HTR1F: variants seen among roughly 807,000 people sequenced by gnomAD.
HTR1F encodes 5-hydroxytryptamine (serotonin) receptor 1F, G protein-coupled.
In HTR1F, 17 loss-of-function variants were observed where a neutral mutation model predicts 24.0. That is an observed-to-expected ratio of 0.71 (90% CI 0.48 to 1.06). The LOEUF (loss-of-function observed/expected upper bound fraction) is 1.06. Ranked by LOEUF, HTR1F falls within the 50% of genes least tolerant of loss-of-function variation. HTR1F has a pLI of 0.00. For synonymous variants in HTR1F, 186 were observed against 156.8 expected (o/e 1.19, Z -1.39); for missense variants, 391 against 427.8 (o/e 0.91, Z 0.76).
intron 2 of HTR1F, among the ~76,000 whole-genome samples, chr3:87,844,930 C>A (rs1022874662): frequency 4.0e-5 from 6 of 151,858 alleles, no homozygotes; most frequent in South Asian, 4.2e-4. Flanking sequence ...GTTTTGGTTA[C>A]TGTAGCCTTG....
intron 2 of HTR1F, among the ~76,000 whole-genome samples, chr3:87,825,742 A>C (rs1704449569): frequency 6.6e-6 from 1 of 152,174 alleles, no homozygotes; most frequent in East Asian, 1.9e-4. Context: ...ACTTAGAATC[A>C]TGTCACAAAG....
At chr3:87,806,878 T>A (rs1220960164) in intron 1 of HTR1F, among the ~76,000 whole-genome samples, 2 of 151,872 alleles carry the variant, frequency 1.3e-5, no homozygotes, top group East Asian at 3.8e-4. Context: ...TCCTAGACCA[T>A]TTATTGAAGA....
intron 2 of HTR1F, among the ~76,000 whole-genome samples, chr3:87,825,798 A>G (rs563893878): frequency 5.9e-5 from 9 of 152,250 alleles, no homozygotes; most frequent in African/African-American, 2.2e-4. Context: ...TATATACCCA[A>G]TGACAGAGGT....
At chr3:87,852,352 T>C (rs1705105542) in intron 2 of HTR1F, among the ~76,000 whole-genome samples, 1 of 151,808 alleles carries the variant, frequency 6.6e-6, no homozygotes, top group South Asian at 2.1e-4. Flanking sequence ...GAAAATCTTG[T>C]TCATTCCCAG....
chr3:87,794,029 C>T (rs997412136), intron 1 of HTR1F, among the ~76,000 whole-genome samples: 7 of 150,590 alleles, frequency 4.6e-5, no homozygotes, highest in Non-Finnish European at 8.8e-5. Flanking sequence ...AAACGGGTTT[C>T]GCTCTAGTTC....
At chr3:87,903,876 A>G (rs1000823542) in intron 2 of HTR1F, among the ~76,000 whole-genome samples, 2 of 152,214 alleles carry the variant, frequency 1.3e-5, no homozygotes, top group Non-Finnish European at 2.9e-5. Context: ...GAACCAACCC[A>G]AATGTCCAGC....
chr3:87,981,790 C>T (rs901888179), intron 2 of HTR1F, among the ~76,000 whole-genome samples: 1 of 152,152 alleles, frequency 6.6e-6, no homozygotes, highest in Non-Finnish European at 1.5e-5. Flanking sequence ...GTGTCATTTT[C>T]TCTAAGATTG....
At chr3:87,814,676 C>T (rs1483300174) in intron 1 of HTR1F, among the ~76,000 whole-genome samples, 1 of 151,996 alleles carries the variant, frequency 6.6e-6, no homozygotes, top group Non-Finnish European at 1.5e-5. Context: ...GATTAAAAGA[C>T]AATAAAGATA....
At chr3:87,833,078 G>T (rs1298238644) in intron 2 of HTR1F, among the ~76,000 whole-genome samples, 7 of 152,074 alleles carry the variant, frequency 4.6e-5, no homozygotes, top group African/African-American at 1.7e-4. Context: ...TTTGCCTCTT[G>T]TTTAGAATTT....
intron 2 of HTR1F, among the ~76,000 whole-genome samples, chr3:87,910,949 A>T (rs1466908820): frequency 6.6e-6 from 1 of 152,092 alleles, no homozygotes; most frequent in African/African-American, 2.4e-5. Context: ...AACATACCAC[A>T]ATCTCTAGGA....
At chr3:87,826,714 T>C (rs1419705761) in intron 2 of HTR1F, among the ~76,000 whole-genome samples, 1 of 152,218 alleles carries the variant, frequency 6.6e-6, no homozygotes, top group South Asian at 2.1e-4. Flanking sequence ...TCTTACCTAC[T>C]ACCGTGTAAA....
chr3:87,943,865 C>A (rs1024413955), intron 2 of HTR1F, among the ~76,000 whole-genome samples: 5 of 152,074 alleles, frequency 3.3e-5, no homozygotes, highest in Admixed American at 3.3e-4. Flanking sequence ...CTGTGAGGGT[C>A]AAATTGATCC....
chr3:87,872,278 G>A (rs554810039), intron 2 of HTR1F, among the ~76,000 whole-genome samples: 2 of 152,204 alleles, frequency 1.3e-5, no homozygotes, highest in Non-Finnish European at 2.9e-5. Context: ...AAAGTTTGTA[G>A]TGGTAAACAC....
intron 2 of HTR1F, among the ~76,000 whole-genome samples, chr3:87,934,752 T>A (rs1234691199): frequency 6.6e-6 from 1 of 152,238 alleles, no homozygotes; most frequent in Non-Finnish European, 1.5e-5. Flanking sequence ...GTATCTCTTG[T>A]AATCTTCACA....
chr3:87,858,376 C>T (rs1361569121), intron 2 of HTR1F, among the ~76,000 whole-genome samples: 1 of 152,194 alleles, frequency 6.6e-6, no homozygotes, highest in Admixed American at 6.5e-5. Context: ...ACTTCACCCT[C>T]AGCCATCGTG....
intron 2 of HTR1F, among the ~76,000 whole-genome samples, chr3:87,846,319 A>G (rs1298791480): frequency 6.6e-6 from 1 of 151,812 alleles, no homozygotes; most frequent in Non-Finnish European, 1.5e-5. Context: ...CTGTAATCCC[A>G]GCTACTTCGG....
At chr3:87,870,971 T>A (rs1705541077) in intron 2 of HTR1F, among the ~76,000 whole-genome samples, 2 of 140,870 alleles carry the variant, frequency 1.4e-5, no homozygotes, top group Non-Finnish European at 1.5e-5. Context: ...GGCTACTTTA[T>A]CAAATACCCA....
At chr3:87,864,025 T>C (rs1575960329) in intron 2 of HTR1F, among the ~76,000 whole-genome samples, 1 of 152,294 alleles carries the variant, frequency 6.6e-6, no homozygotes, top group African/African-American at 2.4e-5. Context: ...AAGCTAACAA[T>C]GGCTAGTCTA....
At chr3:87,881,779 C>T (rs930820681) in intron 2 of HTR1F, among the ~76,000 whole-genome samples, 2 of 152,114 alleles carry the variant, frequency 1.3e-5, no homozygotes, top group Non-Finnish European at 1.5e-5. Context: ...CTAGGCAATA[C>T]CATTCAGGAC....
Sources: gnomAD v4.1 joint callset for allele counts (sites outside exome capture counted in the v4.1 genomes callset) on GRCh38, gnomAD v4.1.1 for gene constraint, MANE v1.5 for transcripts, NCBI Gene and HGNC (gene_info 2026-07-23, HGNC 2026-07-21) for gene names.